ZFYVE9: variants seen among roughly 807,000 people sequenced by gnomAD.
ZFYVE9 encodes the protein zinc finger FYVE-type containing 9, also known as zinc finger FYVE domain-containing protein 9.
A neutral mutation model predicts 126.7 loss-of-function variants in ZFYVE9; 43 were observed. That is an observed-to-expected ratio of 0.34 (90% CI 0.27 to 0.44). ZFYVE9 has a LOEUF of 0.44. ZFYVE9 is among the 20% of genes least tolerant of loss of function. ZFYVE9 has a pLI of 1.00. For missense variants in ZFYVE9, 1,476 were observed against 1,697.0 expected (o/e 0.87, Z 2.29); for synonymous variants, 521 against 597.4 (o/e 0.87, Z 1.87).
chr1:52,274,702 C>A, intron 8 of ZFYVE9, 118 bp downstream of exon 8: 2 of 1,129,552 alleles, frequency 1.8e-6, no homozygotes, highest in Non-Finnish European at 2.4e-6. Flanking sequence ...ACAAAACAAA[C>A]TCCCCCAAAA....
intron 1 of ZFYVE9, among the ~76,000 whole-genome samples, chr1:52,215,370 G>A (rs1318074843): frequency 6.6e-6 from 1 of 152,122 alleles, no homozygotes; most frequent in Non-Finnish European, 1.5e-5. Flanking sequence ...TCTTTTACCA[G>A]TGATTTTCAT....
At chr1:52,311,914 C>T (rs1002473998) in intron 13 of ZFYVE9, among the ~76,000 whole-genome samples, 1 of 152,168 alleles carries the variant, frequency 6.6e-6, no homozygotes, top group Non-Finnish European at 1.5e-5. Flanking sequence ...CCTCAGCCTC[C>T]TGAGTAGCTG....
chr1:52,149,582 ATTGT>A (rs1644335425), intron 1 of ZFYVE9, among the ~76,000 whole-genome samples: 1 of 152,158 alleles, frequency 6.6e-6, no homozygotes, highest in Non-Finnish European at 1.5e-5. Flanking sequence ...TACAAATGTC[ATTGT>A]TTGTCTTGTA....
chr1:52,295,137 A>G (rs1645960543), intron 11 of ZFYVE9, among the ~76,000 whole-genome samples: 1 of 152,146 alleles, frequency 6.6e-6, no homozygotes, highest in East Asian at 1.9e-4. Context: ...GAACCCTCCT[A>G]AGGCAGGAGA....
At chr1:52,332,732 A>T (rs1428393626) in intron 13 of ZFYVE9, 36 bp from the exon 14 acceptor site, 2 of 1,598,118 alleles carry the variant, frequency 1.3e-6, no homozygotes, top group Non-Finnish European at 8.5e-7. Flanking sequence ...AAAAATGCCC[A>T]TTCTTGTCAG....
Position 52,239,089 on chromosome 1 carries a change from C to T in ZFYVE9, c.1672C>T (p.Leu558Phe). 1.2e-6 allele frequency: 2 copies of T among 1,614,080 alleles called. No individual in the cohort carries two copies. The highest frequency in any genetic ancestry group is 1.7e-6 in the Non-Finnish European group (2 of 1,180,004). Residue 558 changes from leucine (L) to phenylalanine (F), a missense_variant, in exon 4 of 19, where the codon CTT (leucine) becomes TTT (phenylalanine). Leu to Phe is a conservative substitution (Grantham distance 22). This residue lies in a region of ZFYVE9 where 807 missense variants were observed against 794.6 expected (regional missense o/e 1.02). Coordinates refer to ENST00000287727, the MANE Select transcript of ZFYVE9 (RefSeq NM_004799.4). ...TTTCTGTAGTCAAGTTCCATCAGTG[C>T]TTGGGCAATCTTCCCCCAAGGTAGT... is the stretch of plus-strand genomic sequence containing the variant. ...HNFCSQVPSVLGQSSPKVVAS... is the reference protein window; with the variant it reads ...HNFCSQVPSVFGQSSPKVVAS...
chr1:52,316,111 G>A lies in ZFYVE9; in HGVS notation c.3438+12186G>A, dbSNP rs1253765643. ...ACCCAGAAGGCAGAGGTTGCAGTGA[G>A]CCGAGATCCTGCCATTGCACTTCAG... is the stretch of plus-strand genomic sequence containing the variant. On this transcript the variant is annotated intron_variant, in intron 13 of 18. Transcript: ENST00000287727. 2.3e-5 allele frequency among the ~76,000 whole-genome samples: 3 copies of A among 131,562 alleles called. No individual in the cohort carries two copies. In the East Asian group the frequency reaches 7.1e-4, roughly 31 times the overall value. 86.3% of individuals were successfully genotyped at this position (131,562 alleles called of 152,430 possible).
At chr1:52,228,438 T>C (rs1645189187) in intron 2 of ZFYVE9, among the ~76,000 whole-genome samples, 1 of 152,324 alleles carries the variant, frequency 6.6e-6, no homozygotes, top group African/African-American at 2.4e-5. Context: ...TGCCCTTTTT[T>C]CTTTTAAGAA....
chr1:52,180,409 A>G (rs1644687085), intron 1 of ZFYVE9: 3 of 1,493,006 alleles, frequency 2.0e-6, no homozygotes, highest in African/African-American at 2.8e-5. Context: ...CTGACAAGAG[A>G]TGAGTTGCAG....
chr1:52,180,063 C>T (rs1176146183), intron 1 of ZFYVE9: 3 of 841,334 alleles, frequency 3.6e-6, no homozygotes, highest in African/African-American at 1.7e-5. Context: ...GTACAGACAG[C>T]AGAGACTGGC....
intron 8 of ZFYVE9, 132 bp downstream of exon 8, chr1:52,274,716 T>A: frequency 1.1e-6 from 1 of 943,586 alleles, no homozygotes; most frequent in Non-Finnish European, 1.4e-6. Flanking sequence ...CCCAAAACTA[T>A]GAAAATGGTT....
chr1:52,201,965 G>A (rs534790310), intron 1 of ZFYVE9, among the ~76,000 whole-genome samples: 1 of 151,300 alleles, frequency 6.6e-6, no homozygotes, highest in Non-Finnish European at 1.5e-5. Context: ...TGTATTTTTA[G>A]TAGAGACAGG....
intron 4 of ZFYVE9, among the ~76,000 whole-genome samples, chr1:52,240,109 A>G (rs142940142): frequency 1.9e-3 from 286 of 152,272 alleles, no homozygotes; most frequent in African/African-American, 6.5e-3. Context: ...ATGCACACAT[A>G]TTTTTGTCTT....
At chr1:52,186,439 T>A (rs1425114894) in intron 1 of ZFYVE9, among the ~76,000 whole-genome samples, 1 of 152,072 alleles carries the variant, frequency 6.6e-6, no homozygotes, top group African/African-American at 2.4e-5. Context: ...TCACTACTCC[T>A]ATTCAGCACA....
At chr1:52,266,407 A>T (rs955581993) in intron 5 of ZFYVE9, among the ~76,000 whole-genome samples, 20,473 of 52,808 alleles carry the variant, frequency 0.39, 2,080 homozygotes, top group Middle Eastern at 0.53. Context: ...TAATTCTTTA[A>T]AAAAAAAAAA....
chr1:52,232,298 A>G (rs1645230584), intron 2 of ZFYVE9, among the ~76,000 whole-genome samples: 1 of 152,190 alleles, frequency 6.6e-6, no homozygotes, highest in Admixed American at 6.5e-5. Flanking sequence ...AATAGGTAGC[A>G]TTTACTTAAC....
intron 1 of ZFYVE9, among the ~76,000 whole-genome samples, chr1:52,154,522 A>G (rs943632577): frequency 1.3e-5 from 2 of 152,116 alleles, no homozygotes; most frequent in Admixed American, 6.6e-5. Flanking sequence ...TTGGCTGTTC[A>G]TTGGCTCTTC....
At chr1:52,291,354 A>G (rs980682296) in intron 10 of ZFYVE9, among the ~76,000 whole-genome samples, 1 of 152,204 alleles carries the variant, frequency 6.6e-6, no homozygotes, top group African/African-American at 2.4e-5. Flanking sequence ...AAGAAAAGTA[A>G]GCATAAATTT....
chr1:52,215,757 T>G (rs1645066533), intron 1 of ZFYVE9, among the ~76,000 whole-genome samples: 1 of 152,216 alleles, frequency 6.6e-6, no homozygotes, highest in Admixed American at 6.5e-5. Flanking sequence ...TATTGTCGTA[T>G]TTTCACAAGA....
Sources: gnomAD v4.1 joint callset for allele counts (sites outside exome capture counted in the v4.1 genomes callset) on GRCh38, gnomAD v4.1.1 for gene constraint, gnomAD v4.1.1 regional missense constraint, MANE v1.5 for transcripts, NCBI Gene and HGNC (gene_info 2026-07-23, HGNC 2026-07-21) for gene names.